The following NCKAP1 variants were observed in gnomAD, a reference collection of about 807,000 sequenced individuals.
NCKAP1 encodes nck-associated protein 1.
NCKAP1 carries 21 observed loss-of-function variants against 151.2 expected under a neutral mutation model. That is an observed-to-expected ratio of 0.14 (90% CI 0.10 to 0.20). The LOEUF is 0.20. Ranked by LOEUF, NCKAP1 falls within the 10% of genes least tolerant of loss-of-function variation. The probability of loss-of-function intolerance (pLI) is 1.00; values close to 1 mark genes in which losing one functional copy is unlikely to be tolerated. For missense variants in NCKAP1, 933 were observed against 1,352.1 expected (o/e 0.69, Z 4.86); for synonymous variants, 484 against 451.8 (o/e 1.07, Z -0.90).
Position 182,926,920 on chromosome 2 carries a change from T to A in NCKAP1, c.3181-15A>T. 2 of 1,538,216 alleles carry A rather than the reference T, an allele frequency of 1.3e-6. No homozygotes were observed. The highest frequency in any genetic ancestry group is 1.8e-6 in the Non-Finnish European group (2 of 1,119,558). On this transcript the variant is annotated splice_polypyrimidine_tract_variant and intron_variant, in intron 29 of 30. Transcript: ENST00000361354. ...GAGGATGCAAGCTTAAAAGTATACA[T>A]ACACATAAAGTGAGTTTGTTAATAA...
intron 18 of NCKAP1, among the ~76,000 whole-genome samples, chr2:182,959,784 G>A (rs190971510): frequency 5.9e-5 from 9 of 152,336 alleles, no homozygotes; most frequent in African/African-American, 2.2e-4. Context: ...ATTAGGAAAA[G>A]AGAAAGTCAA....
intron 1 of NCKAP1, among the ~76,000 whole-genome samples, chr2:183,027,067 C>A (rs1698912373): frequency 6.6e-6 from 1 of 152,032 alleles, no homozygotes; most frequent in African/African-American, 2.4e-5. Context: ...CTAAATACAG[C>A]CTAAAGTCTA....
intron 1 of NCKAP1, among the ~76,000 whole-genome samples, chr2:183,031,913 T>C (rs1034925202): frequency 2.0e-5 from 3 of 152,164 alleles, no homozygotes; most frequent in African/African-American, 7.2e-5. Flanking sequence ...AGACAGCCAA[T>C]GTGCAGCCTT....
intron 27 of NCKAP1, 51 bp from the exon 28 acceptor site, chr2:182,928,950 T>G (rs776612787): frequency 1.7e-6 from 2 of 1,182,110 alleles, no homozygotes; most frequent in Non-Finnish European, 2.4e-6. Context: ...CAAGATTAGT[T>G]AAGATTTGAT....
chr2:182,935,604 T>C (rs1696857204), intron 24 of NCKAP1: 1 of 287,630 alleles, frequency 3.5e-6, no homozygotes, highest in Non-Finnish European at 6.3e-6. Flanking sequence ...ATGGAGTATA[T>C]TGTGCTCTTT....
Position 182,967,206 on chromosome 2 carries a change from T to C in NCKAP1, c.1628+10A>G. 1 of 1,591,628 alleles carries C rather than the reference T, an allele frequency of 6.3e-7. No homozygotes were observed. The highest frequency in any genetic ancestry group is 8.5e-7 in the Non-Finnish European group (1 of 1,173,546). ...TTTCAAATCCAGATTTAGAGAAAATTACAACATACCAAAATATGGAGAGAT... is the reference window on the plus strand; with the variant it reads ...TTTCAAATCCAGATTTAGAGAAAATCACAACATACCAAAATATGGAGAGAT... On this transcript the variant is annotated intron_variant, in intron 16 of 30. Coordinates refer to ENST00000361354, the MANE Select transcript of NCKAP1 (RefSeq NM_013436.5).
Position 183,023,794 on chromosome 2 carries a change from T to G in NCKAP1, c.219+12A>C. 6.3e-7 allele frequency: 1 copy of G among 1,588,084 alleles called. No individual in the cohort carries two copies. Among genetic ancestry groups the G allele is most frequent in the South Asian group, 1.1e-5 (1 of 90,218 alleles). On this transcript the variant is annotated intron_variant, in intron 2 of 30. Coordinates refer to ENST00000361354, the MANE Select transcript of NCKAP1 (RefSeq NM_013436.5). The stretch of plus-strand genomic sequence containing the variant: ...CTTAAAATTAAGCAATAGAAAAATT[T>G]AGATAACTTACATTGTTGTTGCGGG...
intron 2 of NCKAP1, among the ~76,000 whole-genome samples, chr2:183,019,797 C>T (rs948785224): frequency 6.6e-6 from 1 of 152,164 alleles, no homozygotes; most frequent in Non-Finnish European, 1.5e-5. Flanking sequence ...TTTAGTTCAA[C>T]ATCATGACCC....
At chr2:182,931,285 G>A (rs922120474) in intron 26 of NCKAP1, among the ~76,000 whole-genome samples, 2 of 151,912 alleles carry the variant, frequency 1.3e-5, no homozygotes, top group Non-Finnish European at 2.9e-5. Flanking sequence ...TTCTAATAAC[G>A]AAAGTAATTT....
At chr2:183,009,421 GGGAAGGAAGGAA>G (rs1168445882) in intron 2 of NCKAP1, among the ~76,000 whole-genome samples, 1,316 of 82,532 alleles carry the variant, frequency 0.016, 28 homozygotes, top group African/African-American at 0.036. Flanking sequence ...AAAGAGGGAA[GGGAAGGAAGGAA>G]GGAAGGAAGG....
intron 23 of NCKAP1, chr2:182,947,301 C>A (rs183730583): frequency 2.0e-5 from 3 of 152,088 alleles, no homozygotes; most frequent in African/African-American, 7.2e-5. Flanking sequence ...ACCCCTACCC[C>A]GAAGTTAGAC....
At position 183,002,268 on chromosome 2, in the gene NCKAP1, G is replaced by A; in HGVS notation, c.371C>T (p.Thr124Ile). ...GTTCTTTGTTAAATCAAAGTTTACA[G>A]TCTAGGAGAAAAAAAAATCAAGTTC... is the stretch of plus-strand genomic sequence containing the variant. ...IDVCQVFFDI[T>I]VNFDLTKNYL... The change falls in exon 5 of 31, where the codon ACT becomes ATT. Residue 124 changes from threonine (T) to isoleucine (I), a missense_variant and splice_region_variant. Physicochemically the swap from Thr to Ile is moderately conservative, Grantham distance 89. This residue lies in a region of NCKAP1 where 607 missense variants were observed against 795.0 expected (regional missense o/e 0.76). Transcript: ENST00000361354. 6.7e-7 allele frequency: 1 copy of A among 1,491,122 alleles called. No homozygotes were observed. The highest frequency in any genetic ancestry group is 9.1e-7 in the Non-Finnish European group (1 of 1,097,564). 92.4% of individuals were successfully genotyped at this position (1,491,122 alleles called of 1,614,324 possible).
In NCKAP1 at chr2:182,912,745, T is replaced by C. The variant is rs965791166; in HGVS notation, c.*12957A>G. ...AAACTAATACACGCTCTAACCTTTATAGCTTTTCACTTACTCTGTTAAGCA... is the reference window on the plus strand; with the variant it reads ...AAACTAATACACGCTCTAACCTTTACAGCTTTTCACTTACTCTGTTAAGCA... On this transcript the variant is annotated 3_prime_UTR_variant, in exon 31 of 31. Transcript: ENST00000361354. 2.8e-4 allele frequency: 43 copies of C among 152,188 alleles called. No individual in the cohort carries two copies. Among genetic ancestry groups the C allele is most frequent in the African/African-American group, 1.0e-3 (43 of 41,456 alleles). The allele number at this position is 152,188 out of a possible 1,614,324, so 9.4% of individuals were successfully genotyped here.
chr2:182,968,244 A>G (rs915360971), intron 15 of NCKAP1, among the ~76,000 whole-genome samples: 1 of 152,242 alleles, frequency 6.6e-6, no homozygotes, highest in African/African-American at 2.4e-5. Context: ...AGGGAAAGGA[A>G]GCAGAAATCT....
At chr2:183,005,727 C>T (rs2105878828) in intron 2 of NCKAP1, among the ~76,000 whole-genome samples, 1 of 152,196 alleles carries the variant, frequency 6.6e-6, no homozygotes, top group East Asian at 1.9e-4. Flanking sequence ...CTTTTCCAAT[C>T]TACATTTCCC....
chr2:182,940,910 T>C (rs1696982819), intron 24 of NCKAP1, among the ~76,000 whole-genome samples: 1 of 152,248 alleles, frequency 6.6e-6, no homozygotes, highest in Non-Finnish European at 1.5e-5. Flanking sequence ...ATCTGTCCTA[T>C]AAGGTAATCT....
rs1216482666 is a variant in NCKAP1, at chr2:183,038,447, C to T, written c.-348G>A. On this transcript the variant is annotated 5_prime_UTR_variant, in exon 1 of 31. Coordinates refer to ENST00000361354, the MANE Select transcript of NCKAP1 (RefSeq NM_013436.5). ...GCGGCGGCGGCGGCGGCGGCGTCTC[C>T]GGCGGCTGAGAACGAGGCCGCTTCC... 1 of 184,462 alleles carries T rather than the reference C, an allele frequency of 5.4e-6. No individual in the cohort carries two copies. The highest frequency in any genetic ancestry group is 1.1e-5 in the Non-Finnish European group (1 of 93,244). The allele number at this position is 184,462 out of a possible 1,614,324, so 11.4% of individuals were successfully genotyped here.
At chr2:182,952,569 C>T in intron 22 of NCKAP1, 67 bp from the exon 23 acceptor site, 1 of 1,205,582 alleles carries the variant, frequency 8.3e-7, no homozygotes, top group Non-Finnish European at 1.2e-6. Flanking sequence ...TGAACATTAA[C>T]ACAATACAAC....
At chr2:182,940,639 T>C (rs182233228) in intron 24 of NCKAP1, among the ~76,000 whole-genome samples, 210 of 152,248 alleles carry the variant, frequency 1.4e-3, no homozygotes, top group African/African-American at 4.8e-3. Context: ...AGGGTTTCAA[T>C]ATGTTGGCCA....
Sources: gnomAD v4.1 joint callset for allele counts (sites outside exome capture counted in the v4.1 genomes callset) on GRCh38, gnomAD v4.1.1 for gene constraint, gnomAD v4.1.1 regional missense constraint, MANE v1.5 for transcripts, NCBI Gene and HGNC (gene_info 2026-07-23, HGNC 2026-07-21) for gene names.